FGD6: variants seen among roughly 807,000 people sequenced by gnomAD.
The protein encoded by FGD6 is FYVE, RhoGEF and PH domain containing 6, also known as FYVE, RhoGEF and PH domain-containing protein 6.
FGD6 carries 90 observed loss-of-function variants against 149.4 expected under a neutral mutation model. The ratio of observed to expected loss-of-function variants is 0.60; its 90% CI spans 0.51 to 0.72. The LOEUF (loss-of-function observed/expected upper bound fraction) is 0.72. Ranked by LOEUF, FGD6 falls within the 30% of genes least tolerant of loss-of-function variation. The pLI, the probability that FGD6 is intolerant of heterozygous loss-of-function variation, is 0.00. For synonymous variants in FGD6, 527 were observed against 584.0 expected, an observed-to-expected ratio of 0.90 and a Z score of 1.41; for missense variants, 1,437 against 1,684.8, an observed-to-expected ratio of 0.85 and a Z score of 2.57.
intron 5 of FGD6, among the ~76,000 whole-genome samples, chr12:95,148,658 T>C (rs1170161224): frequency 2.5e-5 from 3 of 120,750 alleles, no homozygotes; most frequent in Admixed American, 1.1e-4. Context: ...TATTATATAT[T>C]ATATAATACA....
At chr12:95,160,998 G>A (rs1453479762) in intron 3 of FGD6, among the ~76,000 whole-genome samples, 1 of 151,936 alleles carries the variant, frequency 6.6e-6, no homozygotes, top group Non-Finnish European at 1.5e-5. Context: ...TGGCCAACAT[G>A]GTGAAACCCC....
chr12:95,143,932 A>G (rs554753403), intron 5 of FGD6, among the ~76,000 whole-genome samples: 5 of 152,186 alleles, frequency 3.3e-5, no homozygotes, highest in African/African-American at 9.7e-5. Context: ...AGTAATGGCT[A>G]TATTTGTCTC....
chr12:95,126,274 A>G, intron 8 of FGD6: 1 of 1,370,552 alleles, frequency 7.3e-7, no homozygotes, highest in African/African-American at 1.4e-5. Context: ...CCAGCCCAGA[A>G]GGTTCCTGCC....
chr12:95,147,875 G>A (rs1005414749), intron 5 of FGD6, among the ~76,000 whole-genome samples: 1 of 152,134 alleles, frequency 6.6e-6, no homozygotes, highest in Non-Finnish European at 1.5e-5. Flanking sequence ...ATTTGGTTAA[G>A]TTAAATGATT....
At position 95,209,906 on chromosome 12, in the gene FGD6, TG is replaced by T; in HGVS notation, c.1377del (p.Lys460AsnfsTer2). 6.2e-7 allele frequency: 1 copy of T among 1,613,426 alleles called. No homozygotes were observed. The highest frequency in any genetic ancestry group is 8.5e-7 in the Non-Finnish European group (1 of 1,179,920). ...TGCAAATGTTCATTGCAAGTTAATT[TG>T]AGCTGCTTAGGCAGGCTCATAGATA... ...CTVSMSLPKQ[L>X]KLTCNEHLQS... On this transcript the variant is annotated frameshift_variant, in exon 2 of 21. Transcript: ENST00000343958. LOFTEE classifies it high-confidence loss of function.
At chr12:95,165,483 A>AAT in intron 3 of FGD6, among the ~76,000 whole-genome samples, 1 of 151,502 alleles carries the variant, frequency 6.6e-6, no homozygotes, top group East Asian at 1.9e-4. Context: ...ACAGGCATGC[A>AAT]CCACCACGCC....
intron 5 of FGD6, among the ~76,000 whole-genome samples, chr12:95,142,631 T>C (rs1337666561): frequency 6.6e-6 from 1 of 152,228 alleles, no homozygotes; most frequent in Non-Finnish European, 1.5e-5. Flanking sequence ...CCTTATTTAC[T>C]GTGTTTCCTT....
At chr12:95,162,244 C>T (rs1429193342) in intron 3 of FGD6, among the ~76,000 whole-genome samples, 1 of 151,782 alleles carries the variant, frequency 6.6e-6, no homozygotes, top group Non-Finnish European at 1.5e-5. Context: ...CCCAGTTGGC[C>T]AGGTGCGGTG....
Position 95,124,150 on chromosome 12 carries a change from G to C in FGD6, c.3083-10449C>G, listed in dbSNP as rs114770630. Reference sequence around the variant, plus strand: ...TGGTCTTGAACTCCTGAGCTCAATGGATCCTTCTGCCTCGGCCTCCCAAAG... The same window carrying C: ...TGGTCTTGAACTCCTGAGCTCAATGCATCCTTCTGCCTCGGCCTCCCAAAG... On this transcript the variant is annotated intron_variant, in intron 8 of 20. Transcript: ENST00000343958. 5.6e-3 allele frequency among the ~76,000 whole-genome samples: 853 copies of C among 151,510 alleles called. 6 individuals carry two copies. Among genetic ancestry groups the C allele is most frequent in the African/African-American group, 0.02 (810 of 41,282 alleles).
At chr12:95,154,848 T>C (rs547714783) in intron 3 of FGD6, among the ~76,000 whole-genome samples, 2 of 152,366 alleles carry the variant, frequency 1.3e-5, no homozygotes, top group Admixed American at 1.3e-4. Flanking sequence ...GTCTTCTTTT[T>C]AACATTGGAA....
chr12:95,208,810 T>C, intron 2 of FGD6, 33 bp downstream of exon 2: 3 of 1,579,402 alleles, frequency 1.9e-6, no homozygotes, highest in East Asian at 2.2e-5. Context: ...ATTGCAATGA[T>C]GCATGCAAAA....
Position 95,209,181 on chromosome 12 carries a change from T to C in FGD6, c.2103A>G (p.Gln701=), listed in dbSNP as rs1341749453. 1.2e-6 allele frequency: 2 copies of C among 1,614,114 alleles called. No homozygotes were observed. Among genetic ancestry groups the C allele is most frequent in the Admixed American group, 3.3e-5 (2 of 60,022 alleles). The change falls in exon 2 of 21, where the codon CAA becomes CAG. Residue 701 remains glutamine, a synonymous_variant. Coordinates refer to ENST00000343958, the MANE Select transcript of FGD6 (RefSeq NM_018351.4). The part of the protein sequence containing the change: ...YSTENYSLES[Q]KKRKKSRGQT... ...GGCCCCGAGACTTCTTCCTCTTCTT[T>C]TGAGATTCCAGGCTATAGTTTTCTG...
intron 8 of FGD6, among the ~76,000 whole-genome samples, chr12:95,133,437 C>T (rs1879580812): frequency 6.6e-6 from 1 of 152,152 alleles, no homozygotes; most frequent in Admixed American, 6.5e-5. Flanking sequence ...CAGTCTGTCA[C>T]TAGGCAAGCT....
Position 95,199,059 on chromosome 12 carries a change from C to T in FGD6, c.2441+9784G>A, listed in dbSNP as rs56194603. ...ACTGTTACAAAAGGAGAAAAAAGTG[C>T]AATGATGCAAGTAAACCTGAACCTT... On this transcript the variant is annotated intron_variant, in intron 2 of 20. Coordinates refer to ENST00000343958, the MANE Select transcript of FGD6 (RefSeq NM_018351.4). 9.8e-3 allele frequency among the ~76,000 whole-genome samples: 1,492 copies of T among 152,304 alleles called. 21 individuals carry two copies. The highest frequency in any genetic ancestry group is 0.034 in the African/African-American group (1,413 of 41,568).
intron 5 of FGD6, 41 bp from the exon 6 acceptor site, chr12:95,141,580 T>C (rs1169744691): frequency 6.2e-7 from 1 of 1,605,834 alleles, no homozygotes; most frequent in East Asian, 2.2e-5. Context: ...CACACACATG[T>C]AACTTGATAA....
At chr12:95,088,669 T>C (rs951284390) in intron 18 of FGD6, among the ~76,000 whole-genome samples, 2 of 152,024 alleles carry the variant, frequency 1.3e-5, no homozygotes, top group Non-Finnish European at 2.9e-5. Context: ...AGCCAAAAGG[T>C]GGAAACAACC....
At chr12:95,145,986 G>A (rs1880005063) in intron 5 of FGD6, among the ~76,000 whole-genome samples, 1 of 152,100 alleles carries the variant, frequency 6.6e-6, no homozygotes, top group African/African-American at 2.4e-5. Context: ...CTATGCCATT[G>A]TGATAGTCCT....
chr12:95,120,242 A>AAAATAAAT (rs200231268), intron 8 of FGD6, among the ~76,000 whole-genome samples: 6 of 151,608 alleles, frequency 4.0e-5, no homozygotes, highest in African/African-American at 1.5e-4. Context: ...TAAATAAATA[A>AAAATAAAT]AAATAAATAA....
At position 95,107,637 on chromosome 12, in the gene FGD6, T is replaced by A; in HGVS notation, c.3265-6A>T. 1 of 1,613,890 alleles carries A rather than the reference T, an allele frequency of 6.2e-7. No homozygotes were observed. The highest frequency in any genetic ancestry group is 8.5e-7 in the Non-Finnish European group (1 of 1,179,988). On this transcript the variant is annotated splice_polypyrimidine_tract_variant and splice_region_variant and intron_variant, in intron 11 of 20. Transcript: ENST00000343958. ...ATTCCTTCTTTGAGAAAAACCTGAT[T>A]CACCCAAACAAACACCCATTTAGTC...
Sources: gnomAD v4.1 joint callset for allele counts (sites outside exome capture counted in the v4.1 genomes callset) on GRCh38, gnomAD v4.1.1 for gene constraint, MANE v1.5 for transcripts, NCBI Gene and HGNC (gene_info 2026-07-23, HGNC 2026-07-21) for gene names.